Variants in SF3B5 observed in about 807,000 individuals in gnomAD.
SF3B5 encodes the protein pre-mRNA-splicing factor SF3b 10 kDa subunit.
A neutral mutation model predicts 7.0 loss-of-function variants in SF3B5; 3 were observed. That is an observed-to-expected ratio of 0.43 (90% CI 0.19 to 1.10). The LOEUF is 1.10. SF3B5 is among the 50% of genes least tolerant of loss of function. The pLI is 0.29. For missense variants in SF3B5, 73 were observed against 113.6 expected (o/e 0.64, Z 1.63); for synonymous variants, 51 against 44.8 (o/e 1.14, Z -0.55).
In SF3B5 at chr6:144,095,285, C is replaced by T. The variant is rs1800121332; in HGVS notation, c.213G>A (p.Lys71=). Residue 71 remains lysine, a synonymous_variant, in exon 1 of 1, where the codon AAG becomes AAA. Coordinates refer to ENST00000367569, the MANE Select transcript of SF3B5 (RefSeq NM_031287.3). The surrounding 1 kb of genome is among the most constrained non-coding windows in gnomAD (Gnocchi z 4.3). ...CTGGCGGTCCACAAGGCTGAAGCAT[C>T]TTTTCCATCAAGTTGAAGCGGACTC... ...KARVRFNLME[K]MLQPCGPPAD... 6.2e-7 allele frequency: 1 copy of T among 1,614,272 alleles called. No homozygotes were observed. The highest frequency in any genetic ancestry group is 1.1e-5 in the South Asian group (1 of 91,092).
Position 144,095,441 on chromosome 6 carries a change from G to T in SF3B5, c.57C>A (p.Ile19=). 1 of 1,614,250 alleles carries T rather than the reference G, an allele frequency of 6.2e-7. No homozygotes were observed. The highest frequency in any genetic ancestry group is 8.5e-7 in the Non-Finnish European group (1 of 1,180,044). ...SQLEHLQSKY[I]GTGHADTTKW... ...TGGTGGTGTCGGCGTGGCCCGTGCC[G>T]ATGTACTTGGACTGCAGGTGCTCCA... The change falls in exon 1 of 1, where the codon ATC becomes ATA. Residue 19 remains isoleucine (I), a synonymous_variant. Transcript: ENST00000367569. The surrounding 1 kb of genome is among the most constrained non-coding windows in gnomAD (Gnocchi z 4.3).
rs1189576132 is a variant in SF3B5, at chr6:144,095,544, A to G, written c.-47T>C. 6.2e-7 allele frequency: 1 copy of G among 1,605,384 alleles called. No homozygotes were observed. The highest frequency in any genetic ancestry group is 8.5e-7 in the Non-Finnish European group (1 of 1,173,834). Reference sequence around the variant, plus strand: ...CTCAGGTCAGAGGACGCAGGTAACAACTCGCCGCTCTAGCGTTTTACAGGA... The same window carrying G: ...CTCAGGTCAGAGGACGCAGGTAACAGCTCGCCGCTCTAGCGTTTTACAGGA... On this transcript the variant is annotated 5_prime_UTR_variant, in exon 1 of 1. Transcript: ENST00000367569. The surrounding 1 kb of genome is among the most constrained non-coding windows in gnomAD (Gnocchi z 4.3).
chr6:144,095,353 G>T lies in SF3B5; in HGVS notation c.145C>A (p.Leu49Ile). The stretch of plus-strand genomic sequence containing the variant: ...TCCGCAATGGCGAAGTAGTTGAGAA[G>T]GTCGAAGTGGCCCATGTAGGAGCAG... ...SYCSYMGHFD[L>I]LNYFAIAENE... Residue 49 changes from leucine to isoleucine, a missense_variant, in exon 1 of 1, where the codon CTT (leucine) becomes ATT (isoleucine). Coordinates refer to ENST00000367569, the MANE Select transcript of SF3B5 (RefSeq NM_031287.3). The surrounding 1 kb of genome is among the most constrained non-coding windows in gnomAD (Gnocchi z 4.3). 1 of 1,614,282 alleles carries T rather than the reference G, an allele frequency of 6.2e-7. No individual in the cohort carries two copies. The highest frequency in any genetic ancestry group is 8.5e-7 in the Non-Finnish European group (1 of 1,180,056).
chr6:144,095,307 A>C lies in SF3B5; in HGVS notation c.191T>G (p.Val64Gly), dbSNP rs1448979545. 10 of 1,614,088 alleles carry C rather than the reference A, an allele frequency of 6.2e-6. No individual in the cohort carries two copies. Among genetic ancestry groups the C allele is most frequent in the Non-Finnish European group, 7.6e-6 (9 of 1,180,050 alleles). Residue 64 changes from valine (V) to glycine (G), a missense_variant, in exon 1 of 1, where the codon GTC (valine) becomes GGC (glycine). Val to Gly is a moderately radical substitution (Grantham distance 109). Around this residue, in one of 2 missense-constraint regions of SF3B5, gnomAD observed 67 missense variants for 82.7 expected, o/e 0.81. Coordinates refer to ENST00000367569, the MANE Select transcript of SF3B5 (RefSeq NM_031287.3). This position sits in a 1 kb window ranked among gnomAD's most constrained non-coding sequence, Gnocchi z 4.3. ...AIAENESKAR[V>G]RFNLMEKMLQ... ...CATCTTTTCCATCAAGTTGAAGCGG[A>C]CTCGCGCTTTGCTCTCATTCTCCGC...
Position 144,095,100 on chromosome 6 carries a change from G to T in SF3B5, c.*137C>A. The T allele has an allele frequency of 1.5e-6, 2 of 1,370,344 alleles. No individual in the cohort carries two copies. Among genetic ancestry groups the T allele is most frequent in the Non-Finnish European group, 2.0e-6 (2 of 991,948 alleles). The allele number at this position is 1,370,344 out of a possible 1,614,324, so 84.9% of individuals were successfully genotyped here. ...AGGTCAGGCGGGACTCCCCGGGCAA[G>T]CACTTCTGTACGCGGAAAGCACGAG... is the stretch of plus-strand genomic sequence containing the variant. On this transcript the variant is annotated 3_prime_UTR_variant, in exon 1 of 1. Coordinates refer to ENST00000367569, the MANE Select transcript of SF3B5 (RefSeq NM_031287.3). This position sits in a 1 kb window ranked among gnomAD's most constrained non-coding sequence, Gnocchi z 4.3.
In SF3B5 at chr6:144,095,002, G is replaced by C. The variant is rs961727897; in HGVS notation, c.*235C>G. 2 of 615,356 alleles carry C rather than the reference G, an allele frequency of 3.3e-6. No homozygotes were observed. Among genetic ancestry groups the C allele is most frequent in the African/African-American group, 1.8e-5 (1 of 54,344 alleles). 38.1% of individuals were successfully genotyped at this position (615,356 alleles called of 1,614,324 possible). The stretch of plus-strand genomic sequence containing the variant: ...CTTCTCAAACGCTCGCCGGCTCTAG[G>C]ACCTCTCCACCAGCACAGTTCTCAG... On this transcript the variant is annotated 3_prime_UTR_variant, in exon 1 of 1. Transcript: ENST00000367569. The surrounding 1 kb of genome is among the most constrained non-coding windows in gnomAD (Gnocchi z 4.3).
In SF3B5 at chr6:144,095,085, G is replaced by A. The variant is rs1452141628; in HGVS notation, c.*152C>T. ...GGTCCACATGAAGGCAGGTCAGGCG[G>A]GACTCCCCGGGCAAGCACTTCTGTA... On this transcript the variant is annotated 3_prime_UTR_variant, in exon 1 of 1. Coordinates refer to ENST00000367569, the MANE Select transcript of SF3B5 (RefSeq NM_031287.3). This position sits in a 1 kb window ranked among gnomAD's most constrained non-coding sequence, Gnocchi z 4.3. The A allele has an allele frequency of 4.2e-6, 5 of 1,180,280 alleles. No homozygotes were observed. The African/African-American group carries it at 4.5e-5, about 11-fold the overall frequency. The allele number at this position is 1,180,280 out of a possible 1,614,324, so 73.1% of individuals were successfully genotyped here.
At position 144,095,159 on chromosome 6, in the gene SF3B5, A is replaced by T; in HGVS notation, c.*78T>A. 1 of 1,587,986 alleles carries T rather than the reference A, an allele frequency of 6.3e-7. No individual in the cohort carries two copies. Among genetic ancestry groups the T allele is most frequent in the Non-Finnish European group, 8.6e-7 (1 of 1,164,662 alleles). On this transcript the variant is annotated 3_prime_UTR_variant, in exon 1 of 1. Coordinates refer to ENST00000367569, the MANE Select transcript of SF3B5 (RefSeq NM_031287.3). The surrounding 1 kb of genome is among the most constrained non-coding windows in gnomAD (Gnocchi z 4.3). Reference sequence around the variant, plus strand: ...GCCATGGAGAGCCGGTCCTTTGGAGACAGGAATACTTAAGAGGATTGGCAA... The same window carrying T: ...GCCATGGAGAGCCGGTCCTTTGGAGTCAGGAATACTTAAGAGGATTGGCAA...
chr6:144,095,417 G>A lies in SF3B5; in HGVS notation c.81C>T (p.Thr27=). Residue 27 remains threonine (T), a synonymous_variant, in exon 1 of 1, where the codon ACC becomes ACT. Coordinates refer to ENST00000367569, the MANE Select transcript of SF3B5 (RefSeq NM_031287.3). This position sits in a 1 kb window ranked among gnomAD's most constrained non-coding sequence, Gnocchi z 4.3. ...KYIGTGHADT[T]KWEWLVNQHR... ...GTTGGTTCACCAGCCACTCCCACTT[G>A]GTGGTGTCGGCGTGGCCCGTGCCGA... 6.2e-7 allele frequency: 1 copy of A among 1,614,266 alleles called. No individual in the cohort carries two copies. Among genetic ancestry groups the A allele is most frequent in the African/African-American group, 1.3e-5 (1 of 75,070 alleles).
rs990429661 is a variant in SF3B5 at position 144,095,503 on chromosome 6, C to T, written c.-6G>A. ...ATGGTGTAGCGGTCAGTCATCTCGC[C>T]GCTTTCCCCTTCGCTCTCAGGTCAG... On this transcript the variant is annotated 5_prime_UTR_variant, in exon 1 of 1. Transcript: ENST00000367569. This position sits in a 1 kb window ranked among gnomAD's most constrained non-coding sequence, Gnocchi z 4.3. 1.9e-6 allele frequency: 3 copies of T among 1,613,202 alleles called. No homozygotes were observed. Among genetic ancestry groups the T allele is most frequent in the African/African-American group, 2.7e-5 (2 of 74,916 alleles).
In SF3B5 at chr6:144,095,252, C is replaced by T. The variant is rs762105483; in HGVS notation, c.246G>A (p.Lys82=). 1 of 1,614,226 alleles carries T rather than the reference C, an allele frequency of 6.2e-7. No homozygotes were observed. The highest frequency in any genetic ancestry group is 1.7e-5 in the Admixed American group (1 of 60,032). ...AGGCAGAGTCTCAGTTCTCCTCGGG[C>T]TTGTCGGCTGGCGGTCCACAAGGCT... ...MLQPCGPPAD[K]PEEN is the part of the protein sequence containing the mutation. Residue 82 remains lysine (K), a synonymous_variant, in exon 1 of 1, where the codon AAG becomes AAA. Coordinates refer to ENST00000367569, the MANE Select transcript of SF3B5 (RefSeq NM_031287.3). This position sits in a 1 kb window ranked among gnomAD's most constrained non-coding sequence, Gnocchi z 4.3.
Position 144,095,002 on chromosome 6 carries a change from G to T in SF3B5, c.*235C>A. ...CTTCTCAAACGCTCGCCGGCTCTAG[G>T]ACCTCTCCACCAGCACAGTTCTCAG... On this transcript the variant is annotated 3_prime_UTR_variant, in exon 1 of 1. Transcript: ENST00000367569. The surrounding 1 kb of genome is among the most constrained non-coding windows in gnomAD (Gnocchi z 4.3). The T allele has an allele frequency of 1.6e-6, 1 of 615,474 alleles. No individual in the cohort carries two copies. Among genetic ancestry groups the T allele is most frequent in the Non-Finnish European group, 2.8e-6 (1 of 352,496 alleles). The allele number at this position is 615,474 out of a possible 1,614,324, so 38.1% of individuals were successfully genotyped here. A position where few individuals can be genotyped will look rare whatever the true frequency, so the allele number is the denominator to read the frequency against.
Position 144,095,381 on chromosome 6 carries a change from C to A in SF3B5, c.117G>T (p.Ser39=), listed in dbSNP as rs961703529. The change falls in exon 1 of 1, where the codon TCG becomes TCT. Residue 39 remains serine, a synonymous_variant. Coordinates refer to ENST00000367569, the MANE Select transcript of SF3B5 (RefSeq NM_031287.3). The surrounding 1 kb of genome is among the most constrained non-coding windows in gnomAD (Gnocchi z 4.3). The stretch of plus-strand genomic sequence containing the variant: ...CGAAGTGGCCCATGTAGGAGCAGTA[C>A]GAGTCGCGGTGTTGGTTCACCAGCC... The part of the protein sequence containing the change: ...WEWLVNQHRD[S]YCSYMGHFDL... The A allele has an allele frequency of 6.2e-7, 1 of 1,614,244 alleles. No individual in the cohort carries two copies. Among genetic ancestry groups the A allele is most frequent in the South Asian group, 1.1e-5 (1 of 91,092 alleles).
rs574381465 is a variant in SF3B5, at chr6:144,095,542, C to A, written c.-45G>T. ...CTCTCAGGTCAGAGGACGCAGGTAA[C>A]AACTCGCCGCTCTAGCGTTTTACAG... is the stretch of plus-strand genomic sequence containing the variant. On this transcript the variant is annotated 5_prime_UTR_variant, in exon 1 of 1. Coordinates refer to ENST00000367569, the MANE Select transcript of SF3B5 (RefSeq NM_031287.3). The surrounding 1 kb of genome is among the most constrained non-coding windows in gnomAD (Gnocchi z 4.3). 1 of 1,606,218 alleles carries A rather than the reference C, an allele frequency of 6.2e-7. No homozygotes were observed. The highest frequency in any genetic ancestry group is 1.1e-5 in the South Asian group (1 of 90,692).
chr6:144,094,912 G>T lies in SF3B5; in HGVS notation c.*325C>A, dbSNP rs894999151. 10 of 377,486 alleles carry T rather than the reference G, an allele frequency of 2.6e-5. No individual in the cohort carries two copies. In the South Asian group the frequency reaches 3.1e-4, roughly 12 times the overall value. 23.4% of individuals were successfully genotyped at this position (377,486 alleles called of 1,614,324 possible). On this transcript the variant is annotated 3_prime_UTR_variant, in exon 1 of 1. Coordinates refer to ENST00000367569, the MANE Select transcript of SF3B5 (RefSeq NM_031287.3). ...ACGATTTCTAAACTTTATGGAAAAAGCCAATGACAATCAATTAGCCAAAAA... is the reference window on the plus strand; with the variant it reads ...ACGATTTCTAAACTTTATGGAAAAATCCAATGACAATCAATTAGCCAAAAA...
At position 144,095,374 on chromosome 6, in the gene SF3B5, A is replaced by T; in HGVS notation, c.124T>A (p.Ser42Thr). 6.2e-7 allele frequency: 1 copy of T among 1,614,196 alleles called. No individual in the cohort carries two copies. The highest frequency in any genetic ancestry group is 1.3e-5 in the African/African-American group (1 of 75,052). The change falls in exon 1 of 1, where the codon TCC (serine) becomes ACC (threonine). Residue 42 changes from serine to threonine, a missense_variant. Transcript: ENST00000367569. The surrounding 1 kb of genome is among the most constrained non-coding windows in gnomAD (Gnocchi z 4.3). ...AGAAGGTCGAAGTGGCCCATGTAGGAGCAGTACGAGTCGCGGTGTTGGTTC... is the reference window on the plus strand; with the variant it reads ...AGAAGGTCGAAGTGGCCCATGTAGGTGCAGTACGAGTCGCGGTGTTGGTTC... ...LVNQHRDSYC[S>T]YMGHFDLLNY...
chr6:144,095,090 C>T lies in SF3B5; in HGVS notation c.*147G>A. 7.8e-7 allele frequency: 1 copy of T among 1,275,250 alleles called. No homozygotes were observed. The highest frequency in any genetic ancestry group is 1.1e-6 in the Non-Finnish European group (1 of 907,922). 79.0% of individuals were successfully genotyped at this position (1,275,250 alleles called of 1,614,324 possible). A position where few individuals can be genotyped will look rare whatever the true frequency, so the allele number is the denominator to read the frequency against. On this transcript the variant is annotated 3_prime_UTR_variant, in exon 1 of 1. Transcript: ENST00000367569. The surrounding 1 kb of genome is among the most constrained non-coding windows in gnomAD (Gnocchi z 4.3). ...ACATGAAGGCAGGTCAGGCGGGACT[C>T]CCCGGGCAAGCACTTCTGTACGCGG...
Position 144,095,401 on chromosome 6 carries a change from C to G in SF3B5, c.97G>C (p.Val33Leu). The change falls in exon 1 of 1, where the codon GTG (valine) becomes CTG (leucine). Residue 33 changes from valine (V) to leucine (L), a missense_variant. Val to Leu is a conservative substitution (Grantham distance 32). Transcript: ENST00000367569. The surrounding 1 kb of genome is among the most constrained non-coding windows in gnomAD (Gnocchi z 4.3). ...CAGTACGAGTCGCGGTGTTGGTTCA[C>G]CAGCCACTCCCACTTGGTGGTGTCG... ...HADTTKWEWL[V>L]NQHRDSYCSY... The G allele has an allele frequency of 6.2e-7, 1 of 1,614,260 alleles. No homozygotes were observed. Among genetic ancestry groups the G allele is most frequent in the Non-Finnish European group, 8.5e-7 (1 of 1,180,050 alleles).
At position 144,095,539 on chromosome 6, in the gene SF3B5, T is replaced by C. The variant is rs2128739349; in HGVS notation, c.-42A>G. The C allele has an allele frequency of 1.2e-6, 2 of 1,607,406 alleles. No individual in the cohort carries two copies. The highest frequency in any genetic ancestry group is 1.7e-6 in the Non-Finnish European group (2 of 1,174,984). Reference sequence around the variant, plus strand: ...TCGCTCTCAGGTCAGAGGACGCAGGTAACAACTCGCCGCTCTAGCGTTTTA... The same window carrying C: ...TCGCTCTCAGGTCAGAGGACGCAGGCAACAACTCGCCGCTCTAGCGTTTTA... On this transcript the variant is annotated 5_prime_UTR_variant, in exon 1 of 1. Transcript: ENST00000367569. The surrounding 1 kb of genome is among the most constrained non-coding windows in gnomAD (Gnocchi z 4.3).
Sources: allele counts gnomAD v4.1 joint callset, GRCh38; gene constraint gnomAD v4.1.1; regional missense constraint gnomAD v4.1.1; non-coding constraint Gnocchi (gnomAD v3.1); transcripts MANE v1.5; gene names NCBI Gene and HGNC (gene_info 2026-07-23, HGNC 2026-07-21).